The following KCNC2 variants were observed in gnomAD, a reference collection of about 807,000 sequenced individuals.
KCNC2 encodes the protein voltage-gated potassium channel KCNC2.
In KCNC2, 21 loss-of-function variants were observed where a neutral mutation model predicts 44.5. That is an observed-to-expected ratio of 0.47 (90% CI 0.33 to 0.68). KCNC2 has a LOEUF of 0.68. Ranked by LOEUF, KCNC2 falls within the 30% of genes least tolerant of loss-of-function variation. The probability of loss-of-function intolerance (pLI) is 0.01; values close to 1 mark genes in which losing one functional copy is unlikely to be tolerated. For synonymous variants in KCNC2, 391 were observed against 339.1 expected, an observed-to-expected ratio of 1.15 and a Z score of -1.68; for missense variants, 589 against 826.2, an observed-to-expected ratio of 0.71 and a Z score of 3.52.
At chr12:75,108,148 ACTTTATG>A (rs1886938617) in intron 2 of KCNC2, among the ~76,000 whole-genome samples, 1 of 152,176 alleles carries the variant, frequency 6.6e-6, no homozygotes. Flanking sequence ...TCCACCTTCC[ACTTTATG>A]AAATGAACTC....
At chr12:75,146,336 C>T (rs1246473114) in intron 2 of KCNC2, among the ~76,000 whole-genome samples, 2 of 152,016 alleles carry the variant, frequency 1.3e-5, no homozygotes, top group African/African-American at 4.8e-5. Context: ...ATATACTCAC[C>T]AATAAAAGAG....
chr12:75,112,185 A>C (rs1325272211), intron 2 of KCNC2, among the ~76,000 whole-genome samples: 2 of 152,016 alleles, frequency 1.3e-5, no homozygotes, highest in Non-Finnish European at 2.9e-5. Context: ...AAAGATTACT[A>C]ACATTTTAAG....
At chr12:75,058,569 C>T (rs1433862448) in intron 2 of KCNC2, among the ~76,000 whole-genome samples, 1 of 152,018 alleles carries the variant, frequency 6.6e-6, no homozygotes, top group Non-Finnish European at 1.5e-5. Context: ...CTTACAAACA[C>T]CTGCTGAAGA....
chr12:75,137,341 G>A (rs550584133), intron 2 of KCNC2, among the ~76,000 whole-genome samples: 148 of 152,088 alleles, frequency 9.7e-4, no homozygotes, highest in Non-Finnish European at 1.9e-3. Flanking sequence ...ACATAATAAA[G>A]ACATTTTACA....
chr12:75,175,870 A>G (rs977686446), intron 2 of KCNC2, among the ~76,000 whole-genome samples: 9 of 152,112 alleles, frequency 5.9e-5, no homozygotes, highest in African/African-American at 2.2e-4. Context: ...TAATTATGGG[A>G]TGTCCAGTTA....
intron 2 of KCNC2, among the ~76,000 whole-genome samples, chr12:75,107,226 C>T (rs1010453663): frequency 2.6e-5 from 4 of 152,082 alleles, no homozygotes; most frequent in Non-Finnish European, 5.9e-5. Flanking sequence ...ATCGTCTGAA[C>T]CCAGGAGGTG....
At chr12:75,134,284 T>G (rs571814404) in intron 2 of KCNC2, among the ~76,000 whole-genome samples, 1 of 152,120 alleles carries the variant, frequency 6.6e-6, no homozygotes, top group South Asian at 2.1e-4. Flanking sequence ...AAGTGAATAG[T>G]TGTTGAATAG....
chr12:75,155,198 T>C (rs1160269680), intron 2 of KCNC2, among the ~76,000 whole-genome samples: 2 of 151,930 alleles, frequency 1.3e-5, no homozygotes, highest in Non-Finnish European at 2.9e-5. Flanking sequence ...CATCAATGCA[T>C]AAATTGGATG....
chr12:75,149,020 T>A (rs1178087185), intron 2 of KCNC2, among the ~76,000 whole-genome samples: 4 of 150,428 alleles, frequency 2.7e-5, no homozygotes, highest in Non-Finnish European at 4.4e-5. Context: ...AAAAGAATCA[T>A]AGAGGAAATT....
intron 2 of KCNC2, among the ~76,000 whole-genome samples, chr12:75,205,328 A>G (rs969162188): frequency 6.6e-6 from 1 of 152,024 alleles, no homozygotes; most frequent in Non-Finnish European, 1.5e-5. Flanking sequence ...TTTCAGGTCT[A>G]TGATTCTTAG....
At chr12:75,138,886 C>A (rs1398482025) in intron 2 of KCNC2, among the ~76,000 whole-genome samples, 22 of 146,998 alleles carry the variant, frequency 1.5e-4, no homozygotes, top group African/African-American at 5.6e-4. Context: ...GAGGCTGAGT[C>A]AGGAGAATGG....
intron 2 of KCNC2, among the ~76,000 whole-genome samples, chr12:75,154,836 T>G (rs895084311): frequency 6.6e-6 from 1 of 152,016 alleles, no homozygotes; most frequent in Non-Finnish European, 1.5e-5. Flanking sequence ...AATATAAAAG[T>G]CGTGTGGCTT....
At chr12:75,092,607 C>A (rs930799532) in intron 2 of KCNC2, among the ~76,000 whole-genome samples, 1 of 151,478 alleles carries the variant, frequency 6.6e-6, no homozygotes, top group Non-Finnish European at 1.5e-5. Flanking sequence ...ACATCTATTC[C>A]TGAAGAATGA....
intron 2 of KCNC2, among the ~76,000 whole-genome samples, chr12:75,127,007 T>C (rs1378121342): frequency 6.6e-6 from 1 of 152,198 alleles, no homozygotes; most frequent in Non-Finnish European, 1.5e-5. Context: ...AGTGCTGTGT[T>C]AAATGTGCCC....
intron 2 of KCNC2, among the ~76,000 whole-genome samples, chr12:75,081,573 T>A (rs1283774219): frequency 2.0e-5 from 3 of 152,016 alleles, no homozygotes; most frequent in African/African-American, 7.2e-5. Flanking sequence ...TGGGTATAGT[T>A]TGCTAAATAT....
intron 2 of KCNC2, among the ~76,000 whole-genome samples, chr12:75,090,898 G>A (rs1401573861): frequency 6.6e-6 from 1 of 151,552 alleles, no homozygotes; most frequent in Admixed American, 6.6e-5. Context: ...TTATTTCACT[G>A]GTGAAGAAAA....
At chr12:75,148,591 A>G (rs949139988) in intron 2 of KCNC2, among the ~76,000 whole-genome samples, 7 of 152,094 alleles carry the variant, frequency 4.6e-5, no homozygotes, top group African/African-American at 1.7e-4. Flanking sequence ...CTTTTGAAAG[A>G]TTAAAAGAAG....
intron 2 of KCNC2, among the ~76,000 whole-genome samples, chr12:75,181,991 C>G (rs1892615301): frequency 8.8e-6 from 1 of 113,066 alleles, no homozygotes. Flanking sequence ...CCAGGATGGT[C>G]TCAATCTCCT....
intron 2 of KCNC2, among the ~76,000 whole-genome samples, chr12:75,140,457 A>T (rs1432808006): frequency 6.6e-6 from 1 of 152,230 alleles, no homozygotes; most frequent in African/African-American, 2.4e-5. Flanking sequence ...TAATAGTAAA[A>T]GTTAGAATAG....
Sources: allele counts gnomAD v4.1 joint callset (sites outside exome capture counted in the v4.1 genomes callset), GRCh38; gene constraint gnomAD v4.1.1; transcripts MANE v1.5; gene names NCBI Gene and HGNC (gene_info 2026-07-23, HGNC 2026-07-21).